The following CAPN3 variants were observed in gnomAD, a reference collection of about 807,000 sequenced individuals.
CAPN3 encodes the protein calpain-3.
A neutral mutation model predicts 114.0 loss-of-function variants in CAPN3; 88 were observed. The observed-to-expected ratio is 0.77, with a 90% CI of 0.65 to 0.92. The LOEUF (loss-of-function observed/expected upper bound fraction) is 0.92, where lower values mean the gene tolerates loss of function less well. Ranked by LOEUF, CAPN3 falls within the 40% of genes least tolerant of loss-of-function variation. The pLI, the probability that CAPN3 is intolerant of heterozygous loss-of-function variation, is 0.00. For missense variants in CAPN3, 1,028 were observed against 1,069.0 expected (o/e 0.96, Z 0.53); for synonymous variants, 386 against 382.9 (o/e 1.01, Z -0.09).
chr15:42,390,797 T>G (rs78416685), intron 6 of CAPN3, among the ~76,000 whole-genome samples: 7,012 of 150,368 alleles, frequency 0.047, 221 homozygotes, highest in African/African-American at 0.074. Flanking sequence ...TTTGTTTTTT[T>G]TTTTTTTTTT....
intron 15 of CAPN3, among the ~76,000 whole-genome samples, chr15:42,407,175 G>C (rs771587207): frequency 6.6e-6 from 1 of 152,094 alleles, no homozygotes; most frequent in Non-Finnish European, 1.5e-5. Context: ...TCACTTGCAC[G>C]AGCATGTCTT....
At chr15:42,404,433 C>A in intron 14 of CAPN3, 1 of 456,544 alleles carries the variant, frequency 2.2e-6, no homozygotes. Context: ...GGGTTATAAT[C>A]CCTGGTGTTC....
At chr15:42,402,665 G>T in intron 12 of CAPN3, 129 bp from the exon 13 acceptor site, 2 of 1,553,326 alleles carry the variant, frequency 1.3e-6, no homozygotes, top group South Asian at 2.3e-5. Context: ...TTGGGAGTCG[G>T]AAGTAGGGAG....
chr15:42,400,574 TA>T lies in CAPN3; in HGVS notation c.1354+933del, dbSNP rs111623717. On this transcript the variant is annotated intron_variant, in intron 10 of 23. Coordinates refer to ENST00000397163, the MANE Select transcript of CAPN3 (RefSeq NM_000070.3). ...AGTGACACCTCATCGTTACAAAAAA[TA>T]AAAAAAAAAATGAGGTGGGAGGATT... Among the ~76,000 whole-genome samples the T allele has an allele frequency of 2.4e-3, 338 of 141,108 alleles. 1 individual carries two copies. Among genetic ancestry groups the T allele is most frequent in the African/African-American group, 7.4e-3 (288 of 39,176 alleles). The allele number at this position is 141,108 out of a possible 152,430, so 92.6% of individuals were successfully genotyped here.
intron 3 of CAPN3, among the ~76,000 whole-genome samples, chr15:42,386,789 A>T (rs28364402): frequency 1.6e-4 from 25 of 152,282 alleles, no homozygotes; most frequent in Non-Finnish European, 3.2e-4. Context: ...ACTGAATCTG[A>T]TGGTTCTAGA....
chr15:42,406,898 T>C (rs141172862), intron 15 of CAPN3, among the ~76,000 whole-genome samples: 17 of 152,246 alleles, frequency 1.1e-4, no homozygotes, highest in South Asian at 4.1e-4. Context: ...CCAAGGCCTC[T>C]GGGGCCTGCT....
chr15:42,403,519 G>C (rs566182088), intron 13 of CAPN3, among the ~76,000 whole-genome samples: 2 of 152,094 alleles, frequency 1.3e-5, no homozygotes, highest in Non-Finnish European at 2.9e-5. Context: ...TCATGCCTTT[G>C]GGGGGCTCTG....
intron 1 of CAPN3, among the ~76,000 whole-genome samples, chr15:42,362,425 GT>G (rs1189992510): frequency 1.3e-5 from 2 of 152,156 alleles, no homozygotes; most frequent in Non-Finnish European, 2.9e-5. Context: ...CAGTGTCCAT[GT>G]TTGAAATGAG....
rs992484963 is a variant in CAPN3 at position 42,388,863 on chromosome 15, G to A, written c.633-65G>A. The A allele has an allele frequency of 5.5e-5, 77 of 1,394,616 alleles. No homozygotes were observed. In the African/African-American group the frequency reaches 1.0e-3, roughly 19 times the overall value. The allele number at this position is 1,394,616 out of a possible 1,614,324, so 86.4% of individuals were successfully genotyped here. ...TCCAAGAGGTAAAGTTCTGGTGGCA[G>A]TGGTACCTGGGTTTTGTTCCCTGGA... On this transcript the variant is annotated intron_variant, in intron 4 of 23. Transcript: ENST00000397163.
intron 3 of CAPN3, 127 bp downstream of exon 3, chr15:42,386,412 T>G: frequency 1.3e-6 from 1 of 776,028 alleles, no homozygotes; most frequent in East Asian, 2.4e-5. Flanking sequence ...ACAGTCGGCA[T>G]GGACCCCCTT....
At position 42,409,351 on chromosome 15, in the gene CAPN3, C is replaced by T. The variant is rs773879476; in HGVS notation, c.1963C>T (p.Arg655Trp). 32 of 1,614,074 alleles carry T rather than the reference C, an allele frequency of 2.0e-5. No individual in the cohort carries two copies. Among genetic ancestry groups the T allele is most frequent in the South Asian group, 1.1e-4 (10 of 91,080 alleles). ...DQESEEQQQF[R>W]NIFKQIAGDD... is the part of the protein sequence containing the mutation. The stretch of plus-strand genomic sequence containing the variant: ...GGAAAGTGAGGAACAGCAACAATTC[C>T]GGAACATTTTCAAGCAGATAGCAGG... Residue 655 changes from arginine (R) to tryptophan (W), a missense_variant, in exon 17 of 24, where the codon CGG (arginine) becomes TGG (tryptophan). Arg to Trp is a moderately radical substitution (Grantham distance 101). Coordinates refer to ENST00000397163, the MANE Select transcript of CAPN3 (RefSeq NM_000070.3).
intron 1 of CAPN3, among the ~76,000 whole-genome samples, chr15:42,372,163 A>AT (rs199555902): frequency 0.052 from 7,924 of 151,042 alleles, 637 homozygotes; most frequent in African/African-American, 0.17. Flanking sequence ...CATCTTTAAC[A>AT]TTTTTTTTTC....
chr15:42,409,010 G>A, intron 16 of CAPN3: 1 of 478,574 alleles, frequency 2.1e-6, no homozygotes, highest in South Asian at 2.1e-5. Context: ...GAATGGTCAG[G>A]CCTGGGATGG....
chr15:42,386,851 C>T (rs2053420035), intron 3 of CAPN3, among the ~76,000 whole-genome samples: 1 of 152,200 alleles, frequency 6.6e-6, no homozygotes, highest in Admixed American at 6.5e-5. Flanking sequence ...TGGCATAGAG[C>T]TGGTGCTAGA....
intron 12 of CAPN3, chr15:42,402,399 A>G: frequency 6.9e-7 from 1 of 1,443,814 alleles, no homozygotes; most frequent in East Asian, 2.5e-5. Context: ...ACCCTCCTCC[A>G]CGCTTACAGC....
In CAPN3 at chr15:42,412,278, A is replaced by C. The variant is rs2054285403; in HGVS notation, c.*505A>C. ...AACTCATAAGTTTGGCTGCATTTTGAAAAAAGCTGATCTAAATAAAGGCAT... is the reference window on the plus strand; with the variant it reads ...AACTCATAAGTTTGGCTGCATTTTGCAAAAAGCTGATCTAAATAAAGGCAT... On this transcript the variant is annotated 3_prime_UTR_variant, in exon 24 of 24. Transcript: ENST00000397163. 8.3e-7 allele frequency: 1 copy of C among 1,210,628 alleles called. No individual in the cohort carries two copies. Among genetic ancestry groups the C allele is most frequent in the Non-Finnish European group, 1.2e-6 (1 of 863,450 alleles). 75.0% of individuals were successfully genotyped at this position (1,210,628 alleles called of 1,614,324 possible).
At chr15:42,389,833 ATCTCTCCTC>A (rs1403387135) in intron 5 of CAPN3, 111 bp from the exon 6 acceptor site, 1 of 1,055,890 alleles carries the variant, frequency 9.5e-7, no homozygotes, top group Non-Finnish European at 1.4e-6. Flanking sequence ...TGCTCTGTTG[ATCTCTCCTC>A]TCTCCCTTTG....
At chr15:42,395,999 G>A (rs949985177) in intron 8 of CAPN3, among the ~76,000 whole-genome samples, 1 of 152,204 alleles carries the variant, frequency 6.6e-6, no homozygotes, top group Non-Finnish European at 1.5e-5. Context: ...GAAAGGAGAT[G>A]TTTACAGACT....
At chr15:42,395,883 G>T (rs1176135114) in intron 8 of CAPN3, among the ~76,000 whole-genome samples, 1 of 152,180 alleles carries the variant, frequency 6.6e-6, no homozygotes, top group Non-Finnish European at 1.5e-5. Context: ...ATTCTCCTCT[G>T]TGAGCCTGAA....
Sources: gnomAD v4.1 joint callset for allele counts (sites outside exome capture counted in the v4.1 genomes callset) on GRCh38, gnomAD v4.1.1 for gene constraint, MANE v1.5 for transcripts, NCBI Gene and HGNC (gene_info 2026-07-23, HGNC 2026-07-21) for gene names.